The following SPTLC3 variants were observed in gnomAD, a reference collection of about 807,000 sequenced individuals.
SPTLC3 encodes serine palmitoyltransferase long chain base subunit 3.
A neutral mutation model predicts 59.3 loss-of-function variants in SPTLC3; 36 were observed. The observed-to-expected ratio is 0.61, with a 90% CI of 0.47 to 0.80. The LOEUF (loss-of-function observed/expected upper bound fraction) is 0.80, where lower values mean the gene tolerates loss of function less well. SPTLC3 is among the 30% of genes least tolerant of loss of function. The pLI, the probability that SPTLC3 is intolerant of heterozygous loss-of-function variation, is 0.00. For missense variants in SPTLC3, 625 were observed against 685.1 expected, an observed-to-expected ratio of 0.91 and a Z score of 0.98; for synonymous variants, 257 against 240.8, an observed-to-expected ratio of 1.07 and a Z score of -0.62.
chr20:13,160,451 G>C (rs1424232943), intron 11 of SPTLC3, among the ~76,000 whole-genome samples: 1 of 152,100 alleles, frequency 6.6e-6, no homozygotes, highest in African/African-American at 2.4e-5. Context: ...TGCTGTTTTA[G>C]ACTTAATTAC....
chr20:13,073,437 AAT>A (rs1475255184), intron 3 of SPTLC3, among the ~76,000 whole-genome samples: 1 of 152,186 alleles, frequency 6.6e-6, no homozygotes, highest in Non-Finnish European at 1.5e-5. Context: ...TAAGAAAGAA[AAT>A]ATATGATTTG....
At chr20:13,030,957 G>A (rs1403928098) in intron 1 of SPTLC3, among the ~76,000 whole-genome samples, 1 of 151,862 alleles carries the variant, frequency 6.6e-6, no homozygotes, top group African/African-American at 2.4e-5. Context: ...TCTAAATATT[G>A]TTCATCCGTA....
chr20:13,033,349 G>A (rs975076767), intron 1 of SPTLC3, among the ~76,000 whole-genome samples: 1 of 152,128 alleles, frequency 6.6e-6, no homozygotes. Flanking sequence ...AAGTAGGGTT[G>A]GGAGGCGGTA....
At chr20:13,129,135 G>A (rs1273520734) in intron 9 of SPTLC3, among the ~76,000 whole-genome samples, 1 of 152,042 alleles carries the variant, frequency 6.6e-6, no homozygotes. Context: ...CCAAAGCACT[G>A]GGATTACAGG....
intron 6 of SPTLC3, among the ~76,000 whole-genome samples, chr20:13,093,790 C>CG (rs1319071472): frequency 6.6e-6 from 1 of 152,160 alleles, no homozygotes; most frequent in African/African-American, 2.4e-5. Context: ...GTAACCCAAA[C>CG]ACATTAATGT....
chr20:13,122,245 G>A (rs1020461850), intron 8 of SPTLC3, among the ~76,000 whole-genome samples: 1 of 152,196 alleles, frequency 6.6e-6, no homozygotes, highest in Admixed American at 6.5e-5. Context: ...GGAAGTTTCA[G>A]TCCCTTTTGG....
At chr20:13,036,180 T>TTG (rs1986727121) in intron 1 of SPTLC3, among the ~76,000 whole-genome samples, 1 of 152,206 alleles carries the variant, frequency 6.6e-6, no homozygotes, top group Non-Finnish European at 1.5e-5. Flanking sequence ...TAAAAGTGCA[T>TTG]AATCTATACA....
In SPTLC3 at chr20:13,167,149, G is replaced by A. The variant is rs1392114396; in HGVS notation, c.*2282G>A. 6.6e-6 allele frequency: 1 copy of A among 152,162 alleles called. No individual in the cohort carries two copies. The highest frequency in any genetic ancestry group is 2.4e-5 in the African/African-American group (1 of 41,432). The allele number at this position is 152,162 out of a possible 1,614,324, so 9.4% of individuals were successfully genotyped here. ...CAGGGCCAATAATATTAGAGTATAT[G>A]TCATATAGAATAAGGTTAATTAGGA... is the stretch of plus-strand genomic sequence containing the variant. On this transcript the variant is annotated 3_prime_UTR_variant, in exon 12 of 12. Coordinates refer to ENST00000399002, the MANE Select transcript of SPTLC3 (RefSeq NM_018327.4).
chr20:13,147,880 A>G (rs573180893), intron 9 of SPTLC3, among the ~76,000 whole-genome samples: 3 of 152,330 alleles, frequency 2.0e-5, no homozygotes, highest in African/African-American at 7.2e-5. Flanking sequence ...AAAATAAGTC[A>G]TCCCATGGTA....
At chr20:13,092,870 T>C (rs1989276492) in intron 5 of SPTLC3, among the ~76,000 whole-genome samples, 1 of 152,150 alleles carries the variant, frequency 6.6e-6, no homozygotes. Context: ...ATGTTTAGTT[T>C]AAAAAGAAGA....
At chr20:13,135,127 T>C (rs1041389346) in intron 9 of SPTLC3, among the ~76,000 whole-genome samples, 7 of 152,238 alleles carry the variant, frequency 4.6e-5, no homozygotes, top group Admixed American at 4.6e-4. Context: ...CTGCCATTTC[T>C]CCAATAACTG....
intron 1 of SPTLC3, among the ~76,000 whole-genome samples, chr20:13,045,661 T>A (rs895825016): frequency 6.6e-6 from 1 of 152,206 alleles, no homozygotes; most frequent in African/African-American, 2.4e-5. Context: ...TCTATTTATA[T>A]GAGAGGAAAA....
chr20:13,110,305 G>A (rs745357595), intron 7 of SPTLC3, 88 bp downstream of exon 7: 125 of 1,109,076 alleles, frequency 1.1e-4, no homozygotes, highest in Non-Finnish European at 1.6e-4. Context: ...TAGCTAAACA[G>A]AGAAATGACT....
chr20:13,048,603 A>G (rs1348922909), intron 1 of SPTLC3, among the ~76,000 whole-genome samples: 1 of 152,228 alleles, frequency 6.6e-6, no homozygotes, highest in Non-Finnish European at 1.5e-5. Context: ...CATTTGTGAT[A>G]TAATTTGATC....
At chr20:13,023,817 T>G (rs1489587556) in intron 1 of SPTLC3, among the ~76,000 whole-genome samples, 2 of 152,142 alleles carry the variant, frequency 1.3e-5, no homozygotes, top group East Asian at 3.9e-4. Flanking sequence ...TTGAAGAGAA[T>G]GAAAATAGAA....
Position 13,072,321 on chromosome 20 carries a change from A to G in SPTLC3, c.369A>G (p.Arg123=), listed in dbSNP as rs1201600663. ...CAAGAAACCTTTACATGCGAATCAG[A>G]GACAACTGGAACCGGCCCATCTGCA... ...FYTRNLYMRI[R]DNWNRPICSA... The change falls in exon 3 of 12, where the codon AGA becomes AGG. Residue 123 remains arginine, a synonymous_variant. Transcript: ENST00000399002. The G allele has an allele frequency of 6.2e-7, 1 of 1,613,976 alleles. No homozygotes were observed. Among genetic ancestry groups the G allele is most frequent in the South Asian group, 1.1e-5 (1 of 91,042 alleles).
chr20:13,069,142 G>A (rs1988343807), intron 2 of SPTLC3, among the ~76,000 whole-genome samples: 2 of 152,248 alleles, frequency 1.3e-5, no homozygotes, highest in South Asian at 4.2e-4. Context: ...TATATAGTCT[G>A]GCAACCTGCT....
intron 9 of SPTLC3, among the ~76,000 whole-genome samples, chr20:13,138,114 C>T (rs954844631): frequency 1.3e-5 from 2 of 152,196 alleles, no homozygotes; most frequent in African/African-American, 4.8e-5. Context: ...CAGTCAGTAT[C>T]ATTTTCTTCA....
chr20:13,046,091 C>G (rs908112798), intron 1 of SPTLC3, among the ~76,000 whole-genome samples: 4 of 152,202 alleles, frequency 2.6e-5, no homozygotes, highest in African/African-American at 7.2e-5. Context: ...AATTAAGGTT[C>G]TGAGGTCACC....
Sources: gnomAD v4.1 joint callset for allele counts (sites outside exome capture counted in the v4.1 genomes callset) on GRCh38, gnomAD v4.1.1 for gene constraint, MANE v1.5 for transcripts, NCBI Gene and HGNC (gene_info 2026-07-23, HGNC 2026-07-21) for gene names.